PTH2R: variants seen among roughly 807,000 people sequenced by gnomAD.
The protein encoded by PTH2R is PTH2 receptor.
In PTH2R, 59 loss-of-function variants were observed where a neutral mutation model predicts 60.3. The observed-to-expected ratio is 0.98, with a 90% CI of 0.79 to 1.22. The LOEUF is 1.22. Among genes scored for constraint, PTH2R ranks in the 50% most tolerant of loss-of-function variants. The pLI is 0.00. For missense variants in PTH2R, 749 were observed against 682.6 expected, an observed-to-expected ratio of 1.10 and a Z score of -1.08; for synonymous variants, 256 against 243.8, an observed-to-expected ratio of 1.05 and a Z score of -0.47.
intron 2 of PTH2R, among the ~76,000 whole-genome samples, chr2:208,429,715 G>C (rs1364273865): frequency 6.6e-6 from 1 of 152,008 alleles, no homozygotes; most frequent in Non-Finnish European, 1.5e-5. Flanking sequence ...TGTGCAATCA[G>C]TCTCCAGAAA....
intron 1 of PTH2R, among the ~76,000 whole-genome samples, chr2:208,377,954 C>T (rs979006111): frequency 2.6e-5 from 4 of 152,038 alleles, no homozygotes; most frequent in African/African-American, 4.8e-5. Flanking sequence ...AGACGCTCCT[C>T]ACTTCCCAGA....
intron 4 of PTH2R, among the ~76,000 whole-genome samples, chr2:208,440,825 T>TG (rs1702167188): frequency 1.3e-5 from 2 of 152,204 alleles, no homozygotes; most frequent in Non-Finnish European, 1.5e-5. Flanking sequence ...ACCGAGTGCA[T>TG]GGGGGAAGTA....
chr2:208,393,220 T>G (rs749848946), intron 1 of PTH2R, among the ~76,000 whole-genome samples: 21 of 152,204 alleles, frequency 1.4e-4, no homozygotes, highest in Non-Finnish European at 2.8e-4. Context: ...TACAACTTGC[T>G]TCTGTAGCTT....
intron 1 of PTH2R, among the ~76,000 whole-genome samples, chr2:208,393,493 A>G (rs73983772): frequency 6.6e-6 from 1 of 152,220 alleles, no homozygotes; most frequent in Admixed American, 6.5e-5. Context: ...TGGGATTCCA[A>G]TCAGGGTTGT....
At chr2:208,421,372 G>A (rs1701753036) in intron 1 of PTH2R, among the ~76,000 whole-genome samples, 1 of 151,944 alleles carries the variant, frequency 6.6e-6, no homozygotes, top group Non-Finnish European at 1.5e-5. Context: ...GGGGGTGTGT[G>A]TGTGTGTGTG....
At chr2:208,360,246 A>C in intron 1 of PTH2R, 1 of 438,418 alleles carries the variant, frequency 2.3e-6, no homozygotes, top group Non-Finnish European at 4.6e-6. Context: ...AGGTAAGAAG[A>C]GCGCCCCACT....
chr2:208,440,738 G>C (rs1419365831), intron 4 of PTH2R, among the ~76,000 whole-genome samples: 1 of 152,206 alleles, frequency 6.6e-6, no homozygotes, highest in Non-Finnish European at 1.5e-5. Context: ...CTAGCATAAA[G>C]AGTTAGAATC....
At position 208,442,413 on chromosome 2, in the gene PTH2R, T is replaced by C. The variant is rs777880127; in HGVS notation, c.461T>C (p.Ile154Thr). Reference protein sequence around the residue: ...LYVMYTVGYSISFGSLAVAIL... With the variant: ...LYVMYTVGYSTSFGSLAVAIL... Reference sequence around the variant, plus strand: ...GTAATGTATACCGTTGGCTACTCCATCTCTTTTGGTTCCTTGGCTGTGGCT... The same window carrying C: ...GTAATGTATACCGTTGGCTACTCCACCTCTTTTGGTTCCTTGGCTGTGGCT... The change falls in exon 5 of 13, where the codon ATC (isoleucine) becomes ACC (threonine). Residue 154 changes from isoleucine to threonine, a missense_variant. Ile to Thr is a moderately conservative substitution (Grantham distance 89). Coordinates refer to ENST00000272847, the MANE Select transcript of PTH2R (RefSeq NM_005048.4). 3 of 1,613,628 alleles carry C rather than the reference T, an allele frequency of 1.9e-6. No individual in the cohort carries two copies. The highest frequency in any genetic ancestry group is 1.7e-4 in the Middle Eastern group (1 of 6,060).
At chr2:208,442,069 G>A (rs560599914) in intron 4 of PTH2R, among the ~76,000 whole-genome samples, 1 of 152,158 alleles carries the variant, frequency 6.6e-6, no homozygotes, top group South Asian at 2.1e-4. Flanking sequence ...TAGTCAAGAG[G>A]TATATGAAGT....
At chr2:208,404,681 G>A (rs1443938373), upstream of PTH2R, among the ~76,000 whole-genome samples, 4 of 151,902 alleles carry the variant, frequency 2.6e-5, no homozygotes, top group African/African-American at 9.7e-5. Context: ...ACTTGCACAC[G>A]AGCCACTGCA....
intron 11 of PTH2R, 105 bp from the exon 12 acceptor site, chr2:208,490,533 AG>A: frequency 1.1e-6 from 1 of 941,082 alleles, no homozygotes; most frequent in Non-Finnish European, 1.6e-6. Flanking sequence ...AATTCTCTGA[AG>A]GAATCATAAA....
chr2:208,366,889 T>C (rs1700603709), intron 1 of PTH2R, among the ~76,000 whole-genome samples: 1 of 152,214 alleles, frequency 6.6e-6, no homozygotes, highest in Non-Finnish European at 1.5e-5. Context: ...TGTAGCCAAC[T>C]GTTTGAACTG....
chr2:208,375,449 G>C (rs11686838), intron 1 of PTH2R, among the ~76,000 whole-genome samples: 15,014 of 152,146 alleles, frequency 0.099, 955 homozygotes, highest in South Asian at 0.24. Flanking sequence ...ATTTGAAACT[G>C]TCTGCTCTGT....
intron 9 of PTH2R, among the ~76,000 whole-genome samples, chr2:208,461,208 T>C (rs371341469): frequency 1.3e-5 from 2 of 152,146 alleles, no homozygotes; most frequent in South Asian, 2.1e-4. Flanking sequence ...AAATCGATTA[T>C]GGATGAATGC....
rs142206410 is a variant in PTH2R, at chr2:208,492,554, C to T, written c.1258-710C>T. 9.6e-4 allele frequency among the ~76,000 whole-genome samples: 146 copies of T among 152,248 alleles called. 2 individuals are homozygous for T. Among genetic ancestry groups the T allele is most frequent in the African/African-American group, 3.2e-3 (135 of 41,550 alleles). ...GTTATTTAAGATAGAATTCTATCTT[C>T]CCACAGAGACTGGGAGACAAGAGGC... On this transcript the variant is annotated intron_variant, in intron 12 of 12. Transcript: ENST00000272847.
At chr2:208,397,045 C>A (rs900792487) in intron 1 of PTH2R, among the ~76,000 whole-genome samples, 1 of 152,090 alleles carries the variant, frequency 6.6e-6, no homozygotes, top group Admixed American at 6.5e-5. Flanking sequence ...TCTCAGCAGA[C>A]TGACCCAAGG....
intron 1 of PTH2R, among the ~76,000 whole-genome samples, chr2:208,410,972 A>C (rs1701529085): frequency 6.6e-6 from 1 of 152,220 alleles, no homozygotes; most frequent in Non-Finnish European, 1.5e-5. Context: ...ACAGCCGGGC[A>C]CAATGGCTCA....
chr2:208,476,494 A>G (rs1319816999), intron 9 of PTH2R, among the ~76,000 whole-genome samples: 2 of 152,196 alleles, frequency 1.3e-5, no homozygotes, highest in Non-Finnish European at 2.9e-5. Context: ...AATGAACTAT[A>G]TATTTTGTCT....
chr2:208,392,207 A>G (rs1701120626), intron 1 of PTH2R, among the ~76,000 whole-genome samples: 3 of 152,216 alleles, frequency 2.0e-5, no homozygotes, highest in Non-Finnish European at 4.4e-5. Context: ...CACTGGATGG[A>G]TTGGAACTAC....
Sources: gnomAD v4.1 joint callset for allele counts (sites outside exome capture counted in the v4.1 genomes callset) on GRCh38, gnomAD v4.1.1 for gene constraint, MANE v1.5 for transcripts, NCBI Gene and HGNC (gene_info 2026-07-23, HGNC 2026-07-21) for gene names.